Variants in MRTFB observed in about 807,000 individuals in gnomAD.
The protein encoded by MRTFB is myocardin-related transcription factor B.
Under a neutral mutation model 104.2 loss-of-function variants are expected in MRTFB, and 29 were observed. That is an observed-to-expected ratio of 0.28 (90% CI 0.21 to 0.38). The LOEUF (loss-of-function observed/expected upper bound fraction) is 0.38. MRTFB is among the 10% of genes least tolerant of loss of function. The pLI, the probability that MRTFB is intolerant of heterozygous loss-of-function variation, is 1.00. For synonymous variants in MRTFB, 535 were observed against 519.5 expected (o/e 1.03, Z -0.41); for missense variants, 1,270 against 1,341.6 (o/e 0.95, Z 0.83).
chr16:14,259,416 C>T (rs2043665845), intron 16 of MRTFB, among the ~76,000 whole-genome samples: 1 of 152,082 alleles, frequency 6.6e-6, no homozygotes, highest in Non-Finnish European at 1.5e-5. Context: ...ATTATTTCAT[C>T]TTGTCTACTA....
intron 3 of MRTFB, among the ~76,000 whole-genome samples, chr16:14,199,162 C>T (rs954709103): frequency 6.6e-6 from 1 of 152,196 alleles, no homozygotes; most frequent in Non-Finnish European, 1.5e-5. Flanking sequence ...AAAACAGCAG[C>T]ATTTGACACA....
At position 14,265,142 on chromosome 16, in the gene MRTFB, G is replaced by A. The variant is rs564493095; in HGVS notation, c.*3698G>A. ...CACAGAAGTCCTGGCTGTCACTCAG[G>A]TGGGGAGCTCATGGTGCCGCTGGGG... On this transcript the variant is annotated 3_prime_UTR_variant, in exon 17 of 17. Coordinates refer to ENST00000571589, the MANE Select transcript of MRTFB (RefSeq NM_001308142.2). 2.6e-5 allele frequency: 4 copies of A among 152,316 alleles called. No homozygotes were observed. Among genetic ancestry groups the A allele is most frequent in the Non-Finnish European group, 4.4e-5 (3 of 68,046 alleles). The allele number at this position is 152,316 out of a possible 1,614,324, so 9.4% of individuals were successfully genotyped here.
At chr16:14,066,360 G>A (rs886247106), upstream of MRTFB, among the ~76,000 whole-genome samples, 20 of 149,886 alleles carry the variant, frequency 1.3e-4, no homozygotes, top group East Asian at 6.1e-4. Flanking sequence ...TGCAACCTCC[G>A]CCTCCTGGGT....
intron 8 of MRTFB, among the ~76,000 whole-genome samples, chr16:14,224,957 C>G (rs1379358234): frequency 6.6e-6 from 1 of 152,120 alleles, no homozygotes; most frequent in African/African-American, 2.4e-5. Flanking sequence ...GAGGCCAAAG[C>G]GAGCGGATCA....
At chr16:14,258,370 T>TGGGAGTCTGAGCCC (rs1290245577) in intron 16 of MRTFB, among the ~76,000 whole-genome samples, 21 of 152,176 alleles carry the variant, frequency 1.4e-4, no homozygotes, top group Middle Eastern at 3.2e-3. Flanking sequence ...CCCAGCACTT[T>TGGGAGTCTGAGCCC]GGGAGTCTGA....
chr16:14,055,977 G>A, the MRTFB span, among the ~76,000 whole-genome samples: 1 of 151,596 alleles, frequency 6.6e-6, no homozygotes, highest in Non-Finnish European at 1.5e-5. Flanking sequence ...TTTATTAATT[G>A]TTTTGTTTGT....
At chr16:14,085,188 G>T (rs941962262) in intron 2 of MRTFB, among the ~76,000 whole-genome samples, 1 of 152,052 alleles carries the variant, frequency 6.6e-6, no homozygotes, top group African/African-American at 2.4e-5. Context: ...AGGTGTGGTG[G>T]CCCACGCCTG....
intron 11 of MRTFB, 103 bp downstream of exon 11, chr16:14,245,763 C>T (rs1167311315): frequency 8.3e-7 from 1 of 1,206,146 alleles, no homozygotes; most frequent in Non-Finnish European, 1.2e-6. Context: ...AGTAGACATT[C>T]AACTTTACCA....
At chr16:14,066,980 C>G (rs1224518316), upstream of MRTFB, among the ~76,000 whole-genome samples, 2 of 150,548 alleles carry the variant, frequency 1.3e-5, no homozygotes, top group Non-Finnish European at 2.9e-5. Flanking sequence ...CAGAATTACC[C>G]ATTTTGTTTG....
intron 2 of MRTFB, among the ~76,000 whole-genome samples, chr16:14,080,735 A>G (rs1035290450): frequency 2.0e-5 from 3 of 152,142 alleles, no homozygotes; most frequent in Admixed American, 6.5e-5. Context: ...CAGATTCCTT[A>G]TATGAGTAAG....
chr16:14,017,884 A>AT, the MRTFB span, among the ~76,000 whole-genome samples: 1 of 149,790 alleles, frequency 6.7e-6, no homozygotes, highest in African/African-American at 2.5e-5. Flanking sequence ...TGTCTGGCTA[A>AT]TTTTTTAAAA....
upstream of MRTFB, among the ~76,000 whole-genome samples, chr16:14,067,429 G>C (rs573792161): frequency 6.3e-4 from 95 of 151,668 alleles, no homozygotes; most frequent in African/African-American, 2.2e-3. Context: ...CACCATGTTG[G>C]CCAGGCTGGT....
intron 9 of MRTFB, among the ~76,000 whole-genome samples, chr16:14,235,000 T>C (rs2042430933): frequency 6.6e-6 from 1 of 152,102 alleles, no homozygotes; most frequent in South Asian, 2.1e-4. Flanking sequence ...AAAAAGGATA[T>C]TACAGTTAGC....
intron 10 of MRTFB, among the ~76,000 whole-genome samples, chr16:14,242,195 T>G (rs2042803171): frequency 6.6e-6 from 1 of 152,060 alleles, no homozygotes; most frequent in South Asian, 2.1e-4. Context: ...TTTTCTGTAA[T>G]GAAAGAATTT....
At chr16:14,023,708 G>C in the MRTFB span, among the ~76,000 whole-genome samples, 1 of 151,338 alleles carries the variant, frequency 6.6e-6, no homozygotes, top group African/African-American at 2.4e-5. Context: ...TTTTATATGT[G>C]TGTTGCAAGG....
chr16:14,146,597 C>G (rs2038329697), intron 3 of MRTFB, among the ~76,000 whole-genome samples: 1 of 152,176 alleles, frequency 6.6e-6, no homozygotes. Context: ...AATATATTTG[C>G]AAACAGTCAG....
chr16:14,081,553 A>G (rs559466161), intron 2 of MRTFB, among the ~76,000 whole-genome samples: 16 of 152,168 alleles, frequency 1.1e-4, no homozygotes, highest in Admixed American at 7.8e-4. Context: ...TCGGCCTCCC[A>G]AAGTGCTGGG....
intron 2 of MRTFB, among the ~76,000 whole-genome samples, chr16:14,123,438 A>G (rs2036952317): frequency 6.6e-6 from 1 of 152,164 alleles, no homozygotes; most frequent in African/African-American, 2.4e-5. Context: ...TCTTTAATCT[A>G]TCTTGAGTTA....
intron 3 of MRTFB, 168 bp downstream of exon 3, chr16:14,140,928 T>C: frequency 3.3e-6 from 2 of 600,954 alleles, no homozygotes; most frequent in South Asian, 5.0e-5. Context: ...AATTTCACTT[T>C]CCATTCAGTT....
Sources: allele counts gnomAD v4.1 joint callset (sites outside exome capture counted in the v4.1 genomes callset), GRCh38; gene constraint gnomAD v4.1.1; transcripts MANE v1.5; gene names NCBI Gene and HGNC (gene_info 2026-07-23, HGNC 2026-07-21).